Variants in GLCCI1 observed in about 807,000 individuals in gnomAD.
GLCCI1 encodes the protein glucocorticoid induced 1.
GLCCI1 carries 24 observed loss-of-function variants against 52.2 expected under a neutral mutation model. The ratio of observed to expected loss-of-function variants is 0.46; its 90% CI spans 0.33 to 0.65. The LOEUF is 0.65. GLCCI1 is among the 30% of genes least tolerant of loss of function. The probability of loss-of-function intolerance (pLI) is 0.02; values close to 1 mark genes in which losing one functional copy is unlikely to be tolerated. For synonymous variants in GLCCI1, 310 were observed against 276.5 expected (o/e 1.12, Z -1.20); for missense variants, 704 against 701.5 (o/e 1.00, Z -0.04).
chr7:8,018,632 C>G (rs903694459), intron 2 of GLCCI1, among the ~76,000 whole-genome samples: 3 of 152,050 alleles, frequency 2.0e-5, no homozygotes, highest in African/African-American at 7.2e-5. Flanking sequence ...TTGGAGACTT[C>G]CAGGGAGTGA....
At chr7:8,048,301 C>A (rs919594678) in intron 3 of GLCCI1, among the ~76,000 whole-genome samples, 10 of 152,076 alleles carry the variant, frequency 6.6e-5, no homozygotes, top group African/African-American at 2.4e-4. Context: ...TTCTCAGCTG[C>A]TGAGCTCTAT....
chr7:8,081,574 T>G (rs1782994074), intron 6 of GLCCI1, among the ~76,000 whole-genome samples: 1 of 152,194 alleles, frequency 6.6e-6, no homozygotes, highest in South Asian at 2.1e-4. Flanking sequence ...ATACAAGAAG[T>G]GTGGGCCCCA....
At chr7:8,013,130 C>G (rs903739518) in intron 2 of GLCCI1, among the ~76,000 whole-genome samples, 1 of 152,180 alleles carries the variant, frequency 6.6e-6, no homozygotes, top group African/African-American at 2.4e-5. Flanking sequence ...TGGTCTGTGC[C>G]TTGTGGCTTT....
chr7:7,987,302 C>T (rs1028638958), intron 1 of GLCCI1, among the ~76,000 whole-genome samples: 3 of 152,198 alleles, frequency 2.0e-5, no homozygotes, highest in Non-Finnish European at 2.9e-5. Context: ...TTGCAAACAG[C>T]TTTCCAATAT....
At chr7:8,081,514 A>T (rs1782992672) in intron 6 of GLCCI1, among the ~76,000 whole-genome samples, 1 of 152,222 alleles carries the variant, frequency 6.6e-6, no homozygotes, top group Non-Finnish European at 1.5e-5. Context: ...ACAGGGTCTC[A>T]CTGTCACCCA....
intron 6 of GLCCI1, 109 bp from the exon 7 acceptor site, chr7:8,084,788 C>G: frequency 9.3e-7 from 1 of 1,078,646 alleles, no homozygotes; most frequent in Non-Finnish European, 1.3e-6. Flanking sequence ...GGAGACTGGT[C>G]AAAGCATAGG....
At chr7:7,975,090 A>G (rs1215429788) in intron 1 of GLCCI1, among the ~76,000 whole-genome samples, 2 of 152,130 alleles carry the variant, frequency 1.3e-5, no homozygotes, top group Non-Finnish European at 2.9e-5. Flanking sequence ...TACTACCTGT[A>G]TTTCCCTCTG....
At chr7:8,075,098 A>C (rs191701201) in intron 6 of GLCCI1, among the ~76,000 whole-genome samples, 1 of 152,152 alleles carries the variant, frequency 6.6e-6, no homozygotes, top group Admixed American at 6.5e-5. Context: ...TCTATTCGCT[A>C]TGAATTATGT....
At chr7:8,007,018 A>G (rs760243443) in intron 2 of GLCCI1, among the ~76,000 whole-genome samples, 1 of 152,194 alleles carries the variant, frequency 6.6e-6, no homozygotes, top group Non-Finnish European at 1.5e-5. Context: ...AGTATATTCT[A>G]CAGCCAGGCA....
intron 3 of GLCCI1, among the ~76,000 whole-genome samples, chr7:8,023,267 G>A (rs1245945955): frequency 6.6e-6 from 1 of 152,048 alleles, no homozygotes; most frequent in Non-Finnish European, 1.5e-5. Flanking sequence ...CGCCCGCCTT[G>A]GCCTCCCAAA....
At position 8,052,151 on chromosome 7, in the gene GLCCI1, G is replaced by A. The variant is rs1275392223; in HGVS notation, c.697-3282G>A. ...GCAGTGTCTTTCAGTGAAGGAAAAG[G>A]CTTCTTTCAGGTAGCCTGAGTATTC... On this transcript the variant is annotated intron_variant, in intron 3 of 7. Coordinates refer to ENST00000223145, the MANE Select transcript of GLCCI1 (RefSeq NM_138426.4). Among the ~76,000 whole-genome samples, 3 of 152,120 alleles carry A rather than the reference G, an allele frequency of 2.0e-5. No homozygotes were observed. In the East Asian group the frequency reaches 5.8e-4, roughly 29 times the overall value.
chr7:8,021,560 T>C (rs1388352941), intron 2 of GLCCI1, among the ~76,000 whole-genome samples: 2 of 152,126 alleles, frequency 1.3e-5, no homozygotes, highest in Admixed American at 1.3e-4. Context: ...TTACAGGTGC[T>C]CGCCACCAGG....
At chr7:7,987,768 T>A (rs1015690266) in intron 1 of GLCCI1, among the ~76,000 whole-genome samples, 3 of 151,814 alleles carry the variant, frequency 2.0e-5, no homozygotes, top group African/African-American at 7.3e-5. Flanking sequence ...ATTTTTTATT[T>A]TTTATTTTTT....
intron 2 of GLCCI1, among the ~76,000 whole-genome samples, chr7:8,016,034 C>T (rs17141876): frequency 0.041 from 6,200 of 152,282 alleles, 247 homozygotes; most frequent in East Asian, 0.18. Flanking sequence ...GTCCCCTGAC[C>T]TGTGTTGGTT....
chr7:8,002,650 A>G (rs1781072062), intron 1 of GLCCI1, among the ~76,000 whole-genome samples: 1 of 152,204 alleles, frequency 6.6e-6, no homozygotes, highest in South Asian at 2.1e-4. Context: ...GCATTCAATA[A>G]TAAATGTTTC....
chr7:8,013,973 T>C (rs900831595), intron 2 of GLCCI1, among the ~76,000 whole-genome samples: 3 of 150,070 alleles, frequency 2.0e-5, no homozygotes, highest in Non-Finnish European at 4.4e-5. Flanking sequence ...CTAACAGTTA[T>C]GGTACTGAAG....
intron 2 of GLCCI1, among the ~76,000 whole-genome samples, chr7:8,013,227 G>A (rs1317757826): frequency 6.6e-6 from 1 of 152,000 alleles, no homozygotes; most frequent in African/African-American, 2.4e-5. Flanking sequence ...ATAGTTTTAT[G>A]TTTCTTTTTA....
At position 7,992,097 on chromosome 7, in the gene GLCCI1, T is replaced by TTCTTTCTTTCTGTCTG. The variant is rs1195257351; in HGVS notation, c.458-11808_458-11807insTTCTTTCTGTCTGTCT. Reference sequence around the variant, plus strand: ...TTTCTTTCTTTCTTTCTTTCTTTCTTTCTGTCTGTTTCTCTCTCTCTCTCT... The same window carrying TTCTTTCTTTCTGTCTG: ...TTTCTTTCTTTCTTTCTTTCTTTCTTTCTTTCTTTCTGTCTGTCTGTCTGTTTCTCTCTCTCTCTCT... On this transcript the variant is annotated intron_variant, in intron 1 of 7. Coordinates refer to ENST00000223145, the MANE Select transcript of GLCCI1 (RefSeq NM_138426.4). Among the ~76,000 whole-genome samples the TTCTTTCTTTCTGTCTG allele has an allele frequency of 3.3e-5, 4 of 121,282 alleles. No individual in the cohort carries two copies. The East Asian group carries it at 9.5e-4, about 29-fold the overall frequency. 79.6% of individuals were successfully genotyped at this position (121,282 alleles called of 152,430 possible).
intron 1 of GLCCI1, chr7:7,980,701 C>T: frequency 1.3e-6 from 1 of 741,028 alleles, no homozygotes. Context: ...TGACAGTGAT[C>T]AACATGGATC....
Sources: gnomAD v4.1 joint callset for allele counts (sites outside exome capture counted in the v4.1 genomes callset) on GRCh38, gnomAD v4.1.1 for gene constraint, MANE v1.5 for transcripts, NCBI Gene and HGNC (gene_info 2026-07-23, HGNC 2026-07-21) for gene names.